The following NUP35 variants were observed in gnomAD, a reference collection of about 807,000 sequenced individuals.
The protein encoded by NUP35 is nucleoporin NUP35.
NUP35 carries 25 observed loss-of-function variants against 41.5 expected under a neutral mutation model. The ratio of observed to expected loss-of-function variants is 0.60; its 90% CI spans 0.44 to 0.84. The LOEUF (loss-of-function observed/expected upper bound fraction) is 0.84, where lower values mean the gene tolerates loss of function less well. NUP35 is among the 40% of genes least tolerant of loss of function. The pLI is 0.00. For missense variants in NUP35, 396 were observed against 396.6 expected, an observed-to-expected ratio of 1.00 and a Z score of 0.01; for synonymous variants, 149 against 130.7, an observed-to-expected ratio of 1.14 and a Z score of -0.96.
intron 5 of NUP35, among the ~76,000 whole-genome samples, chr2:183,157,039 C>T (rs777424883): frequency 4.6e-5 from 7 of 151,992 alleles, no homozygotes; most frequent in East Asian, 1.9e-4. Context: ...TATAATGATT[C>T]GTTTATAATT....
intron 4 of NUP35, among the ~76,000 whole-genome samples, chr2:183,142,631 C>T (rs1054860811): frequency 5.0e-4 from 65 of 129,342 alleles, no homozygotes; most frequent in African/African-American, 2.0e-3. Flanking sequence ...CAGATGTGCA[C>T]CACATGCTGG....
Position 183,118,423 on chromosome 2 carries a change from A to G in NUP35, c.-121+797A>G, listed in dbSNP as rs965277828. 20 of 152,350 alleles carry G rather than the reference A, an allele frequency of 1.3e-4. 1 individual carries two copies. The highest frequency in any genetic ancestry group is 4.3e-4 in the African/African-American group (18 of 41,572). 9.4% of individuals were successfully genotyped at this position (152,350 alleles called of 1,614,324 possible). ...CACAAAAAAGGGTAATTAGAACTATAAACAGGTCTTCATTTTATAATAAGC... is the reference window on the plus strand; with the variant it reads ...CACAAAAAAGGGTAATTAGAACTATGAACAGGTCTTCATTTTATAATAAGC... On this transcript the variant is annotated intron_variant, in intron 1 of 9. Transcript: ENST00000409798.
chr2:183,132,753 A>G (rs1371596394), intron 3 of NUP35, among the ~76,000 whole-genome samples: 1 of 152,144 alleles, frequency 6.6e-6, no homozygotes, highest in Non-Finnish European at 1.5e-5. Flanking sequence ...GTTGGTAAGA[A>G]TATTATTGCT....
chr2:183,151,620 C>A lies in NUP35; in HGVS notation c.510C>A (p.His170Gln), dbSNP rs749333127. The stretch of plus-strand genomic sequence containing the variant: ...GAGATTCTTTGACTTCAGAAGATCA[C>A]CTCGATGACTCTTGGGTGACTGTAT... ...TQGDSLTSEDHLDDSWVTVFG... is the reference protein window; with the variant it reads ...TQGDSLTSEDQLDDSWVTVFG... The change falls in exon 5 of 9, where the codon CAC becomes CAA. Residue 170 changes from histidine to glutamine, a missense_variant. By Grantham distance (24) the His-to-Gln change is conservative. Coordinates refer to ENST00000295119, the MANE Select transcript of NUP35 (RefSeq NM_138285.5). 1.9e-6 allele frequency: 3 copies of A among 1,613,960 alleles called. No homozygotes were observed. In the East Asian group the frequency reaches 6.7e-5, roughly 36 times the overall value.
intron 5 of NUP35, among the ~76,000 whole-genome samples, chr2:183,152,221 C>T (rs1685497231): frequency 6.6e-6 from 1 of 150,522 alleles, no homozygotes; most frequent in African/African-American, 2.4e-5. Context: ...GTATGACAGT[C>T]CTTGTTACAT....
chr2:183,159,781 T>A, intron 8 of NUP35, 129 bp downstream of exon 8: 1 of 652,764 alleles, frequency 1.5e-6, no homozygotes, highest in Non-Finnish European at 2.4e-6. Flanking sequence ...TGATGAAACC[T>A]TTACGCTTTA....
upstream of NUP35, chr2:183,124,244 A>G (rs2105530029): frequency 7.8e-7 from 1 of 1,287,630 alleles, no homozygotes. Flanking sequence ...CTGGTTCGCC[A>G]CCTTCCCGGT....
chr2:183,140,330 T>TA (rs1381851435), intron 4 of NUP35, among the ~76,000 whole-genome samples: 1 of 152,142 alleles, frequency 6.6e-6, no homozygotes, highest in East Asian at 1.9e-4. Context: ...TGAGTGTTTC[T>TA]ACATTATTAT....
At chr2:183,131,708 A>C (rs1291278463) in intron 3 of NUP35, among the ~76,000 whole-genome samples, 3 of 152,234 alleles carry the variant, frequency 2.0e-5, no homozygotes, top group South Asian at 4.1e-4. Flanking sequence ...AGACTTAGAA[A>C]GAATGTAAGG....
chr2:183,143,263 G>C (rs73040916), intron 4 of NUP35, among the ~76,000 whole-genome samples: 1 of 148,290 alleles, frequency 6.7e-6, no homozygotes, highest in Non-Finnish European at 1.5e-5. Flanking sequence ...TTATTGTCTC[G>C]TCTCTTCTAG....
At chr2:183,127,884 G>C (rs72892683) in intron 1 of NUP35, among the ~76,000 whole-genome samples, 11,967 of 152,142 alleles carry the variant, frequency 0.079, 552 homozygotes, top group South Asian at 0.17. Flanking sequence ...AGCAGTCTGG[G>C]CAGCATGGTG....
intron 4 of NUP35, among the ~76,000 whole-genome samples, chr2:183,142,800 C>G (rs1685143652): frequency 6.6e-6 from 1 of 151,350 alleles, no homozygotes; most frequent in Non-Finnish European, 1.5e-5. Context: ...TTTATTTTCT[C>G]TGTCATTTTA....
At chr2:183,139,411 G>C (rs1346308453) in intron 4 of NUP35, among the ~76,000 whole-genome samples, 1 of 151,856 alleles carries the variant, frequency 6.6e-6, no homozygotes, top group Non-Finnish European at 1.5e-5. Context: ...TATATTGATG[G>C]ATATAAGCTG....
intron 4 of NUP35, among the ~76,000 whole-genome samples, chr2:183,148,302 T>G (rs1182377357): frequency 1.3e-5 from 2 of 152,208 alleles, no homozygotes; most frequent in African/African-American, 4.8e-5. Flanking sequence ...TATTATTTCT[T>G]TTCGTTTGGT....
In NUP35 at chr2:183,128,457, G is replaced by A. The variant is rs1684576947; in HGVS notation, c.211G>A (p.Gly71Ser). The A allele has an allele frequency of 6.2e-7, 1 of 1,609,226 alleles. No homozygotes were observed. The highest frequency in any genetic ancestry group is 8.5e-7 in the Non-Finnish European group (1 of 1,177,126). The part of the protein sequence containing the change: ...VMEMRSPLLA[G>S]GSPPQPVVPA... ...GGAAATGAGATCACCTTTACTTGCA[G>A]GTAGGTGAATTGCTTAAAATAATTT... is the stretch of plus-strand genomic sequence containing the variant. The change falls in exon 2 of 9, where the codon GGT (glycine) becomes AGT (serine). Residue 71 changes from glycine (G) to serine (S), a missense_variant and splice_region_variant. Transcript: ENST00000295119.
At chr2:183,142,633 A>G (rs894902443) in intron 4 of NUP35, among the ~76,000 whole-genome samples, 1 of 123,610 alleles carries the variant, frequency 8.1e-6, no homozygotes, top group Admixed American at 7.5e-5. Context: ...GATGTGCACC[A>G]CATGCTGGGC....
Position 183,130,490 on chromosome 2 carries a change from A to G in NUP35, c.284A>G (p.Tyr95Cys), listed in dbSNP as rs1278994181. The part of the protein sequence containing the change: ...KSGAPPVRSI[Y>C]DDISSPGLGS... The stretch of plus-strand genomic sequence containing the variant: ...GGCGCTCCACCAGTTAGAAGTATAT[A>G]TGATGACATTTCTAGCCCAGGACTT... The change falls in exon 3 of 9, where the codon TAT (tyrosine) becomes TGT (cysteine). Residue 95 changes from tyrosine (Y) to cysteine (C), a missense_variant. Transcript: ENST00000295119. 2 of 1,611,858 alleles carry G rather than the reference A, an allele frequency of 1.2e-6. No individual in the cohort carries two copies. Among genetic ancestry groups the G allele is most frequent in the East Asian group, 2.2e-5 (1 of 44,814 alleles).
At position 183,161,040 on chromosome 2, in the gene NUP35, G is replaced by A. The variant is rs1250552648; in HGVS notation, c.904-14G>A. 12 of 1,602,928 alleles carry A rather than the reference G, an allele frequency of 7.5e-6. No individual in the cohort carries two copies. The East Asian group carries it at 2.7e-4, about 36-fold the overall frequency. On this transcript the variant is annotated splice_polypyrimidine_tract_variant and intron_variant, in intron 8 of 8. Transcript: ENST00000295119. ...AATAACCTAACCGTTTTTTTTGTGT[G>A]TGTTTTTTAATAGGTTATTTCTGAC...
At position 183,157,436 on chromosome 2, in the gene NUP35, T is replaced by C; in HGVS notation, c.540-8T>C. ...CTGACGTTTTCTTTGGACAACTCTTTTTTTCAGGTTTCCTCAAGCATCTGC... is the reference window on the plus strand; with the variant it reads ...CTGACGTTTTCTTTGGACAACTCTTCTTTTCAGGTTTCCTCAAGCATCTGC... On this transcript the variant is annotated splice_region_variant and splice_polypyrimidine_tract_variant and intron_variant, in intron 5 of 8. Coordinates refer to ENST00000295119, the MANE Select transcript of NUP35 (RefSeq NM_138285.5). The C allele has an allele frequency of 6.2e-7, 1 of 1,605,156 alleles. No homozygotes were observed. Among genetic ancestry groups the C allele is most frequent in the South Asian group, 1.1e-5 (1 of 90,872 alleles).
Sources: gnomAD v4.1 joint callset for allele counts (sites outside exome capture counted in the v4.1 genomes callset) on GRCh38, gnomAD v4.1.1 for gene constraint, MANE v1.5 for transcripts, NCBI Gene and HGNC (gene_info 2026-07-23, HGNC 2026-07-21) for gene names.